BLOC1S5: variants seen among roughly 807,000 people sequenced by gnomAD.
The protein encoded by BLOC1S5 is biogenesis of lysosome-related organelles complex 1 subunit 5.
Under a neutral mutation model 24.3 loss-of-function variants are expected in BLOC1S5, and 27 were observed. That is an observed-to-expected ratio of 1.11 (90% CI 0.82 to 1.53). BLOC1S5 has a LOEUF of 1.53. BLOC1S5 is among the 40% of genes most tolerant of loss of function. The probability of loss-of-function intolerance (pLI) is 0.00; values close to 1 mark genes in which losing one functional copy is unlikely to be tolerated. For synonymous variants in BLOC1S5, 84 were observed against 74.5 expected, an observed-to-expected ratio of 1.13 and a Z score of -0.66; for missense variants, 239 against 229.4, an observed-to-expected ratio of 1.04 and a Z score of -0.27.
chr6:8,015,924 T>G (rs13202814), intron 4 of BLOC1S5, 96 bp from the exon 5 acceptor site: 179,566 of 1,152,426 alleles, frequency 0.16, 15,797 homozygotes, highest in South Asian at 0.28. Context: ...AATCAGCTGG[T>G]AAGTCACAAG....
At chr6:8,058,114 ACCTAAATTTTATTTGGAGTGGTAACATG>A (rs1455036284) in intron 2 of BLOC1S5, among the ~76,000 whole-genome samples, 2 of 152,036 alleles carry the variant, frequency 1.3e-5, no homozygotes, top group Non-Finnish European at 2.9e-5. Flanking sequence ...TGCTATCAAC[ACCTAAATTTTATTTGGAGTGGTAACATG>A]CCTATAACAG....
At chr6:8,062,077 T>A (rs1283827462) in intron 2 of BLOC1S5, among the ~76,000 whole-genome samples, 1 of 152,168 alleles carries the variant, frequency 6.6e-6, no homozygotes, top group Non-Finnish European at 1.5e-5. Context: ...GAGGTAAACA[T>A]CTAGGTAACG....
intron 2 of BLOC1S5, among the ~76,000 whole-genome samples, chr6:8,048,383 G>T (rs774358938): frequency 6.6e-6 from 1 of 152,086 alleles, no homozygotes; most frequent in Non-Finnish European, 1.5e-5. Context: ...CACTTTTATT[G>T]GGTTGGTCAT....
chr6:8,033,306 G>A lies in BLOC1S5; in HGVS notation c.326-6881C>T, dbSNP rs1051508695. Among the ~76,000 whole-genome samples, 20 of 152,074 alleles carry A rather than the reference G, an allele frequency of 1.3e-4. 1 individual carries two copies. Among genetic ancestry groups the A allele is most frequent in the African/African-American group, 3.4e-4 (14 of 41,492 alleles). ...TACAGACCAATGGAACAGGACAGAC[G>A]CCTCAGAAATAATGCCACACATCTA... On this transcript the variant is annotated intron_variant, in intron 3 of 4. Coordinates refer to ENST00000397457, the MANE Select transcript of BLOC1S5 (RefSeq NM_201280.3).
At chr6:8,028,891 C>T (rs1044876161) in intron 3 of BLOC1S5, among the ~76,000 whole-genome samples, 10 of 148,890 alleles carry the variant, frequency 6.7e-5, no homozygotes, top group African/African-American at 2.5e-4. Flanking sequence ...ATCACATCTG[C>T]AACACTTACT....
chr6:8,058,946 T>C (rs576537286), intron 2 of BLOC1S5, among the ~76,000 whole-genome samples: 371 of 152,336 alleles, frequency 2.4e-3, no homozygotes, highest in Non-Finnish European at 4.5e-3. Context: ...CCATAAAGCA[T>C]TGCATGAATA....
At chr6:8,049,650 ACT>A in intron 2 of BLOC1S5, among the ~76,000 whole-genome samples, 1 of 151,868 alleles carries the variant, frequency 6.6e-6, no homozygotes, top group Non-Finnish European at 1.5e-5. Flanking sequence ...TTATCCAACC[ACT>A]GTTTTAAGTA....
chr6:8,041,334 A>ATGGAGTCTCGCTCTGTCGCCCAGAC, intron 2 of BLOC1S5, 66 bp from the exon 3 acceptor site: 1 of 442,202 alleles, frequency 2.3e-6, no homozygotes, highest in Non-Finnish European at 3.4e-6. Context: ...TTTTTTTGAA[A>ATGGAGTCTCGCTCTGTCGCCCAGAC]TGGAGTCTCG....
chr6:8,038,198 T>C (rs1381479255), intron 3 of BLOC1S5, among the ~76,000 whole-genome samples: 1 of 152,080 alleles, frequency 6.6e-6, no homozygotes, highest in Admixed American at 6.5e-5. Flanking sequence ...AAGAAAATAA[T>C]CAGCAAGTTG....
At chr6:8,026,942 T>C (rs1223134756) in intron 3 of BLOC1S5, among the ~76,000 whole-genome samples, 1 of 152,162 alleles carries the variant, frequency 6.6e-6, no homozygotes, top group Non-Finnish European at 1.5e-5. Context: ...CACTTTCCTA[T>C]CAGGAAATGA....
At chr6:8,023,174 T>A (rs1190181265) in intron 4 of BLOC1S5, among the ~76,000 whole-genome samples, 1 of 152,214 alleles carries the variant, frequency 6.6e-6, no homozygotes, top group African/African-American at 2.4e-5. Context: ...ATATTTTCAT[T>A]TCACTATTCC....
At chr6:8,016,279 T>C (rs1324556322) in intron 4 of BLOC1S5, among the ~76,000 whole-genome samples, 1 of 151,240 alleles carries the variant, frequency 6.6e-6, no homozygotes, top group Non-Finnish European at 1.5e-5. Flanking sequence ...TGAGCTGAGA[T>C]GGCACCACTG....
intron 4 of BLOC1S5, among the ~76,000 whole-genome samples, chr6:8,026,036 T>C (rs1427377318): frequency 6.6e-6 from 1 of 152,176 alleles, no homozygotes; most frequent in African/African-American, 2.4e-5. Flanking sequence ...TACTCAATAC[T>C]TCAGGCTCAG....
intron 3 of BLOC1S5, among the ~76,000 whole-genome samples, chr6:8,036,840 T>C (rs890702643): frequency 2.6e-5 from 4 of 152,162 alleles, no homozygotes; most frequent in Admixed American, 6.5e-5. Flanking sequence ...TCAAGCAGGA[T>C]TTATCCCAGG....
Position 8,015,493 on chromosome 6 carries a change from A to G in BLOC1S5, c.*156T>C. On this transcript the variant is annotated 3_prime_UTR_variant, in exon 5 of 5. Transcript: ENST00000397457. ...TGTGGCACCCTTCTTTAAATATCCA[A>G]TCAGAATGCCAGTAGAAACTTCTTT... 1.4e-6 allele frequency: 1 copy of G among 698,102 alleles called. No individual in the cohort carries two copies. The allele number at this position is 698,102 out of a possible 1,614,324, so 43.2% of individuals were successfully genotyped here.
chr6:8,044,490 G>A (rs763972689), intron 2 of BLOC1S5, among the ~76,000 whole-genome samples: 1 of 152,138 alleles, frequency 6.6e-6, no homozygotes, highest in East Asian at 1.9e-4. Context: ...AGAAGAAAAT[G>A]TGGAAGCAAC....
chr6:8,052,491 T>C (rs747859068), intron 2 of BLOC1S5, among the ~76,000 whole-genome samples: 1 of 152,198 alleles, frequency 6.6e-6, no homozygotes, highest in South Asian at 2.1e-4. Flanking sequence ...AACAGGAGTT[T>C]GGAAGAAGTT....
intron 3 of BLOC1S5, among the ~76,000 whole-genome samples, chr6:8,032,462 T>G (rs914267459): frequency 2.0e-5 from 3 of 152,026 alleles, no homozygotes; most frequent in Admixed American, 6.6e-5. Flanking sequence ...AAAAAAAAAT[T>G]GATGGAATGT....
At chr6:8,019,775 C>A (rs1762861306) in intron 4 of BLOC1S5, among the ~76,000 whole-genome samples, 1 of 152,192 alleles carries the variant, frequency 6.6e-6, no homozygotes, top group East Asian at 1.9e-4. Context: ...TTTACAAATA[C>A]TGCACATGAA....
Sources: allele counts gnomAD v4.1 joint callset (sites outside exome capture counted in the v4.1 genomes callset), GRCh38; gene constraint gnomAD v4.1.1; transcripts MANE v1.5; gene names NCBI Gene and HGNC (gene_info 2026-07-23, HGNC 2026-07-21).